ARHGAP28: variants seen among roughly 807,000 people sequenced by gnomAD.
ARHGAP28 encodes the protein rho GTPase-activating protein 28.
A neutral mutation model predicts 90.7 loss-of-function variants in ARHGAP28; 56 were observed. The observed-to-expected ratio is 0.62, with a 90% CI of 0.50 to 0.77. The LOEUF is 0.77. Ranked by LOEUF, ARHGAP28 falls within the 30% of genes least tolerant of loss-of-function variation. The pLI, the probability that ARHGAP28 is intolerant of heterozygous loss-of-function variation, is 0.00. For synonymous variants in ARHGAP28, 308 were observed against 323.3 expected, an observed-to-expected ratio of 0.95 and a Z score of 0.51; for missense variants, 869 against 900.9, an observed-to-expected ratio of 0.96 and a Z score of 0.45.
rs188398277 is a variant in ARHGAP28, at chr18:6,745,441, A to G, written c.122+15498A>G. 1.2e-4 allele frequency among the ~76,000 whole-genome samples: 19 copies of G among 152,338 alleles called. 1 individual carries two copies. Among genetic ancestry groups the G allele is most frequent in the Admixed American group, 1.2e-3 (19 of 15,292 alleles). On this transcript the variant is annotated intron_variant, in intron 1 of 17. Coordinates refer to ENST00000383472, the MANE Select transcript of ARHGAP28 (RefSeq NM_001366230.1). The stretch of plus-strand genomic sequence containing the variant: ...AAAGACCTCCAGGATTTCTGAAGCC[A>G]TACCCACAAACAAATAAAAATAAAT...
intron 7 of ARHGAP28, among the ~76,000 whole-genome samples, chr18:6,873,104 G>A (rs975071399): frequency 6.6e-6 from 1 of 152,172 alleles, no homozygotes; most frequent in African/African-American, 2.4e-5. Flanking sequence ...ATTCCATGTG[G>A]TGCCTGACAT....
chr18:6,735,690 G>A (rs1174712520), intron 1 of ARHGAP28, among the ~76,000 whole-genome samples: 6 of 151,980 alleles, frequency 3.9e-5, no homozygotes, highest in Admixed American at 1.3e-4. Context: ...GAGTCGCTGA[G>A]GCTACAGGCA....
intron 1 of ARHGAP28, among the ~76,000 whole-genome samples, chr18:6,732,150 T>C (rs757683815): frequency 3.3e-5 from 5 of 152,128 alleles, no homozygotes; most frequent in Non-Finnish European, 5.9e-5. Flanking sequence ...ATAGTATCTT[T>C]CTATTTGGTC....
intron 1 of ARHGAP28, among the ~76,000 whole-genome samples, chr18:6,796,036 A>G (rs1212295377): frequency 6.6e-6 from 1 of 152,256 alleles, no homozygotes; most frequent in Non-Finnish European, 1.5e-5. Context: ...AAGTCTGGCC[A>G]ATGGATGAAT....
intron 1 of ARHGAP28, among the ~76,000 whole-genome samples, chr18:6,822,750 A>G (rs1433457972): frequency 6.6e-6 from 1 of 152,256 alleles, no homozygotes; most frequent in Non-Finnish European, 1.5e-5. Flanking sequence ...GTCAGATACT[A>G]CGAAAAGATC....
chr18:6,868,415 C>T (rs888980688), intron 6 of ARHGAP28, among the ~76,000 whole-genome samples, 181 bp downstream of exon 6: 3 of 152,218 alleles, frequency 2.0e-5, no homozygotes, highest in Non-Finnish European at 4.4e-5. Context: ...TTCTGTCACA[C>T]AAGACAAAAT....
intron 16 of ARHGAP28, among the ~76,000 whole-genome samples, chr18:6,899,243 C>T (rs1252799469): frequency 6.6e-6 from 1 of 152,084 alleles, no homozygotes; most frequent in East Asian, 1.9e-4. Context: ...TCCAGGTACT[C>T]TCCCTTACAA....
chr18:6,761,430 T>C (rs1370570266), intron 1 of ARHGAP28, among the ~76,000 whole-genome samples: 1 of 152,214 alleles, frequency 6.6e-6, no homozygotes, highest in Admixed American at 6.5e-5. Context: ...AGGCTGCTTA[T>C]GTGCACACGT....
chr18:6,824,207 G>C (rs1301582681), intron 1 of ARHGAP28, among the ~76,000 whole-genome samples: 1 of 152,130 alleles, frequency 6.6e-6, no homozygotes, highest in Non-Finnish European at 1.5e-5. Context: ...ACATATTCAT[G>C]TTAATTCCTA....
chr18:6,813,300 G>A (rs905379230), intron 1 of ARHGAP28, among the ~76,000 whole-genome samples: 1 of 152,178 alleles, frequency 6.6e-6, no homozygotes, highest in Non-Finnish European at 1.5e-5. Flanking sequence ...ATAGTGAATA[G>A]TGCTGATACA....
chr18:6,841,194 TCTCTCTCTCCTCTC>T lies in ARHGAP28; in HGVS notation c.543+3790_543+3803del, dbSNP rs1218429630. Among the ~76,000 whole-genome samples, 374 of 64,120 alleles carry T rather than the reference TCTCTCTCTCCTCTC, an allele frequency of 5.8e-3. 8 individuals are homozygous for T. The highest frequency in any genetic ancestry group is 0.015 in the East Asian group (34 of 2,304). 42.1% of individuals were successfully genotyped at this position (64,120 alleles called of 152,430 possible). On this transcript the variant is annotated intron_variant, in intron 3 of 17. Transcript: ENST00000383472. ...TCTCTCTCTCTCCTCTCTCTCTCTC[TCTCTCTCTCCTCTC>T]CTCTCTCTCTCTCTCCCCCCAACCC...
chr18:6,838,194 T>C (rs1015537251), intron 3 of ARHGAP28, among the ~76,000 whole-genome samples: 17 of 152,058 alleles, frequency 1.1e-4, no homozygotes, highest in African/African-American at 3.4e-4. Context: ...TCTTGAAACA[T>C]TTGGGATAAC....
intron 5 of ARHGAP28, among the ~76,000 whole-genome samples, chr18:6,862,315 A>G (rs571210479): frequency 6.6e-6 from 1 of 151,974 alleles, no homozygotes; most frequent in South Asian, 2.1e-4. Flanking sequence ...GTAAAAATAA[A>G]CCTCTCCTGC....
intron 3 of ARHGAP28, among the ~76,000 whole-genome samples, chr18:6,849,291 C>T (rs896315169): frequency 4.1e-5 from 6 of 147,268 alleles, no homozygotes; most frequent in African/African-American, 1.2e-4. Context: ...CCGGGGTAAG[C>T]GTGGTGCCAA....
intron 3 of ARHGAP28, among the ~76,000 whole-genome samples, chr18:6,839,356 C>T (rs535103681): frequency 8.1e-4 from 122 of 149,738 alleles, no homozygotes; most frequent in Non-Finnish European, 1.4e-3. Context: ...TGCAGTGGCG[C>T]AATCTCGGCT....
chr18:6,773,821 G>C (rs1466617175), intron 1 of ARHGAP28, among the ~76,000 whole-genome samples: 1 of 152,154 alleles, frequency 6.6e-6, no homozygotes, highest in Admixed American at 6.5e-5. Context: ...AGGAAAAACT[G>C]TAAAAATTGT....
At chr18:6,899,361 A>G (rs1229209401) in intron 16 of ARHGAP28, among the ~76,000 whole-genome samples, 2 of 152,126 alleles carry the variant, frequency 1.3e-5, no homozygotes, top group Non-Finnish European at 2.9e-5. Context: ...GAGTTTCCTT[A>G]TCACCTCCCA....
chr18:6,749,442 T>A (rs1361487674), intron 1 of ARHGAP28, among the ~76,000 whole-genome samples: 1 of 152,194 alleles, frequency 6.6e-6, no homozygotes, highest in Non-Finnish European at 1.5e-5. Flanking sequence ...TTATAGGACA[T>A]TTGAGCCCCA....
intron 16 of ARHGAP28, among the ~76,000 whole-genome samples, chr18:6,904,720 C>T (rs75145322): frequency 0.01 from 1,562 of 152,058 alleles, 19 homozygotes; most frequent in Admixed American, 0.029. Context: ...TGACACAAAT[C>T]AAGAATATCA....
Sources: gnomAD v4.1 joint callset for allele counts (sites outside exome capture counted in the v4.1 genomes callset) on GRCh38, gnomAD v4.1.1 for gene constraint, MANE v1.5 for transcripts, NCBI Gene and HGNC (gene_info 2026-07-23, HGNC 2026-07-21) for gene names.